The following KCNQ5 variants were observed in gnomAD, a reference collection of about 807,000 sequenced individuals.
The protein encoded by KCNQ5 is potassium voltage-gated channel subfamily KQT member 5.
Under a neutral mutation model 98.2 loss-of-function variants are expected in KCNQ5, and 30 were observed. The ratio of observed to expected loss-of-function variants is 0.31; its 90% CI spans 0.23 to 0.41. The LOEUF (loss-of-function observed/expected upper bound fraction) is 0.41, where lower values mean the gene tolerates loss of function less well. Ranked by LOEUF, KCNQ5 falls within the 10% of genes least tolerant of loss-of-function variation. KCNQ5 has a pLI of 1.00. For missense variants in KCNQ5, 835 were observed against 1,182.5 expected (o/e 0.71, Z 4.31); for synonymous variants, 458 against 449.4 (o/e 1.02, Z -0.24).
intron 1 of KCNQ5, among the ~76,000 whole-genome samples, chr6:72,966,509 A>G (rs927857660): frequency 3.0e-4 from 46 of 152,262 alleles, no homozygotes; most frequent in Non-Finnish European, 2.9e-5. Flanking sequence ...CAGAGGTTGC[A>G]GTGAGGCAAG....
chr6:72,685,496 T>C (rs967461271), intron 1 of KCNQ5, among the ~76,000 whole-genome samples: 6 of 152,216 alleles, frequency 3.9e-5, no homozygotes, highest in Non-Finnish European at 7.3e-5. Flanking sequence ...ACAACCAATT[T>C]CTTACTCCAG....
chr6:72,624,941 T>C (rs1581996805), intron 1 of KCNQ5, among the ~76,000 whole-genome samples: 1 of 152,368 alleles, frequency 6.6e-6, no homozygotes, highest in East Asian at 1.9e-4. Context: ...TGCTTTATGC[T>C]GTAAGTTTAA....
chr6:72,742,645 C>T lies in KCNQ5; in HGVS notation c.398+120058C>T, dbSNP rs148802504. Among the ~76,000 whole-genome samples, 68 of 152,224 alleles carry T rather than the reference C, an allele frequency of 4.5e-4. No homozygotes were observed. The East Asian group carries it at 5.2e-3, about 12-fold the overall frequency. ...ATACTCTTTATATAAAATGCAATAA[C>T]GGTTGCACCTGACCTCAATGATATA... On this transcript the variant is annotated intron_variant, in intron 1 of 13. Transcript: ENST00000370398.
At chr6:73,154,055 G>A (rs1479792013) in intron 10 of KCNQ5, among the ~76,000 whole-genome samples, 2 of 151,974 alleles carry the variant, frequency 1.3e-5, no homozygotes, top group African/African-American at 2.4e-5. Flanking sequence ...AATATGTGCT[G>A]CAGATATGGA....
At chr6:73,083,712 G>A (rs936393613) in intron 5 of KCNQ5, among the ~76,000 whole-genome samples, 2 of 152,118 alleles carry the variant, frequency 1.3e-5, no homozygotes, top group East Asian at 1.9e-4. Flanking sequence ...CATCATAAAA[G>A]TTTCAATTAA....
chr6:73,129,084 TAAG>T (rs1776116373), intron 9 of KCNQ5, among the ~76,000 whole-genome samples: 1 of 152,258 alleles, frequency 6.6e-6, no homozygotes. Flanking sequence ...CTAAACTCAA[TAAG>T]ACTAGATTTT....
At chr6:73,188,120 T>G (rs1442584499) in intron 11 of KCNQ5, among the ~76,000 whole-genome samples, 1 of 152,186 alleles carries the variant, frequency 6.6e-6, no homozygotes, top group Non-Finnish European at 1.5e-5. Context: ...AAGATCCCAC[T>G]CAGACTTCTC....
At position 73,068,280 on chromosome 6, in the gene KCNQ5, G is replaced by A. The variant is rs191818947; in HGVS notation, c.617-9042G>A. 5.3e-5 allele frequency among the ~76,000 whole-genome samples: 8 copies of A among 152,220 alleles called. No homozygotes were observed. The East Asian group carries it at 1.5e-3, about 29-fold the overall frequency. On this transcript the variant is annotated intron_variant, in intron 3 of 13. Coordinates refer to ENST00000370398, the MANE Select transcript of KCNQ5 (RefSeq NM_019842.4). ...CATTGCCCTCTAGCCTGGGCAAAAAGAGGGAAACTCCGTCTCAAAAAATAA... is the reference window on the plus strand; with the variant it reads ...CATTGCCCTCTAGCCTGGGCAAAAAAAGGGAAACTCCGTCTCAAAAAATAA...
At chr6:73,157,651 C>T (rs1227702204) in intron 10 of KCNQ5, 1 of 775,310 alleles carries the variant, frequency 1.3e-6, no homozygotes, top group Non-Finnish European at 2.4e-6. Context: ...TGGCTGGGGT[C>T]AGCTCTGTGG....
chr6:72,999,447 G>A (rs1769459184), intron 1 of KCNQ5, among the ~76,000 whole-genome samples: 2 of 152,148 alleles, frequency 1.3e-5, no homozygotes, highest in Admixed American at 1.3e-4. Context: ...GCCAATAGCT[G>A]TTCCAGACTA....
chr6:72,893,295 T>A (rs187724611), intron 1 of KCNQ5, among the ~76,000 whole-genome samples: 50 of 152,102 alleles, frequency 3.3e-4, no homozygotes, highest in African/African-American at 1.1e-3. Context: ...GGTTTTTTTT[T>A]AATACTAATT....
chr6:72,684,631 G>A (rs1256654146), intron 1 of KCNQ5, among the ~76,000 whole-genome samples: 1 of 152,154 alleles, frequency 6.6e-6, no homozygotes, highest in Non-Finnish European at 1.5e-5. Context: ...GCAAGAAAAA[G>A]TGTTGTTTTC....
At chr6:72,800,237 C>T (rs916828437) in intron 1 of KCNQ5, among the ~76,000 whole-genome samples, 6 of 152,238 alleles carry the variant, frequency 3.9e-5, no homozygotes, top group East Asian at 3.9e-4. Context: ...TGGTAGAATT[C>T]GGCTGTGAAT....
intron 1 of KCNQ5, among the ~76,000 whole-genome samples, chr6:72,676,427 A>C (rs1474772832): frequency 6.6e-6 from 1 of 152,206 alleles, no homozygotes; most frequent in Non-Finnish European, 1.5e-5. Context: ...CTCAGGGCTG[A>C]CACAGGAGGG....
At chr6:72,962,129 G>A (rs1014319034) in intron 1 of KCNQ5, among the ~76,000 whole-genome samples, 37 of 150,340 alleles carry the variant, frequency 2.5e-4, no homozygotes, top group African/African-American at 8.8e-4. Context: ...AGCGAGCCAA[G>A]ATCATGCCAC....
intron 1 of KCNQ5, among the ~76,000 whole-genome samples, chr6:72,829,118 C>T (rs1776125795): frequency 6.6e-6 from 1 of 152,020 alleles, no homozygotes; most frequent in African/African-American, 2.4e-5. Flanking sequence ...GCCTGTTTCT[C>T]CTCCCACAGT....
chr6:72,952,457 C>T (rs925834142), intron 1 of KCNQ5, among the ~76,000 whole-genome samples: 10 of 152,188 alleles, frequency 6.6e-5, no homozygotes, highest in Non-Finnish European at 1.2e-4. Context: ...CTCATAACTT[C>T]TCCTTCTAGA....
intron 1 of KCNQ5, among the ~76,000 whole-genome samples, chr6:72,732,958 A>G (rs142580827): frequency 1.3e-5 from 2 of 152,314 alleles, no homozygotes; most frequent in East Asian, 3.9e-4. Context: ...CTGGACAACT[A>G]TGTGAAAAGT....
intron 10 of KCNQ5, among the ~76,000 whole-genome samples, chr6:73,163,189 GA>G (rs1562214586): frequency 6.6e-6 from 1 of 151,926 alleles, no homozygotes; most frequent in Non-Finnish European, 1.5e-5. Context: ...AGGAGTTCAA[GA>G]CCAGCCTGGG....
Sources: allele counts gnomAD v4.1 joint callset (sites outside exome capture counted in the v4.1 genomes callset), GRCh38; gene constraint gnomAD v4.1.1; transcripts MANE v1.5; gene names NCBI Gene and HGNC (gene_info 2026-07-23, HGNC 2026-07-21).